GYG2: variants seen among roughly 807,000 people sequenced by gnomAD.
The protein encoded by GYG2 is glycogenin-2.
GYG2 carries 29 observed loss-of-function variants against 29.4 expected under a neutral mutation model. The ratio of observed to expected loss-of-function variants is 0.99; its 90% CI spans 0.74 to 1.35. The LOEUF (loss-of-function observed/expected upper bound fraction) is 1.35, where lower values mean the gene tolerates loss of function less well. Ranked by LOEUF, GYG2 falls within the 40% of genes most tolerant of loss-of-function variation. The pLI is 0.00. For missense variants in GYG2, 370 were observed against 385.7 expected, an observed-to-expected ratio of 0.96 and a Z score of 0.34; for synonymous variants, 167 against 172.3, an observed-to-expected ratio of 0.97 and a Z score of 0.24.
intron 2 of GYG2, among the ~76,000 whole-genome samples, chrX:2,832,481 C>G (rs925498469): frequency 5.4e-5 from 6 of 111,818 alleles, no homozygotes; most frequent in African/African-American, 1.3e-4. Context: ...CCTGAGGCCT[C>G]TCTCCTGGGC....
At chrX:2,874,915 C>G (rs761497938) in intron 8 of GYG2, among the ~76,000 whole-genome samples, 25 of 111,622 alleles carry the variant, frequency 2.2e-4, no homozygotes, top group Admixed American at 5.7e-4. Flanking sequence ...CCATCCACCC[C>G]CAAGAATTCC....
intron 10 of GYG2, among the ~76,000 whole-genome samples, chrX:2,879,368 A>G (rs2088667894): frequency 9.3e-6 from 1 of 107,965 alleles, no homozygotes; most frequent in African/African-American, 3.4e-5. Context: ...CCCGGGTTCA[A>G]GTGATTCTCC....
At chrX:2,847,867 G>C (rs1161645957) in intron 3 of GYG2, among the ~76,000 whole-genome samples, 3 of 112,247 alleles carry the variant, frequency 2.7e-5, no homozygotes, top group African/African-American at 9.7e-5. Context: ...GTTCCATGTG[G>C]TGGGGTGTCC....
chrX:2,866,327 T>A (rs911198270), intron 8 of GYG2, among the ~76,000 whole-genome samples: 9 of 111,471 alleles, frequency 8.1e-5, no homozygotes, highest in Non-Finnish European at 1.5e-4. Flanking sequence ...AAACCCTGTC[T>A]CTGCAAAAAA....
intron 2 of GYG2, among the ~76,000 whole-genome samples, chrX:2,840,070 T>C (rs903191089): frequency 8.9e-6 from 1 of 112,333 alleles, no homozygotes; most frequent in African/African-American, 3.2e-5. Flanking sequence ...TTTGAGAGTT[T>C]GCATGGAAAG....
At chrX:2,875,221 G>C (rs1341974069) in intron 8 of GYG2, among the ~76,000 whole-genome samples, 1 of 111,771 alleles carries the variant, frequency 8.9e-6, no homozygotes, top group East Asian at 2.8e-4. Flanking sequence ...TTCTAGGGCA[G>C]CTCTTCTCAA....
At chrX:2,863,075 GA>G (rs2088208972) in intron 8 of GYG2, among the ~76,000 whole-genome samples, 1 of 74,407 alleles carries the variant, frequency 1.3e-5, no homozygotes, top group South Asian at 7.4e-4. Context: ...AAAAAAAAAA[GA>G]AATCTTTTTT....
chrX:2,831,215 A>G (rs768296080), intron 2 of GYG2, among the ~76,000 whole-genome samples: 1 of 112,487 alleles, frequency 8.9e-6, no homozygotes, highest in Non-Finnish European at 1.9e-5. Flanking sequence ...CATTTTATGT[A>G]TTTATTTTTA....
intron 2 of GYG2, among the ~76,000 whole-genome samples, chrX:2,841,321 A>C (rs1349633591): frequency 1.8e-5 from 2 of 108,648 alleles, no homozygotes; most frequent in African/African-American, 6.6e-5. Context: ...GGATGGATAG[A>C]TAGATGATAG....
rs191033810 is a variant in GYG2 at position 2,843,760 on chromosome X, G to C, written c.149+406G>C. On this transcript the variant is annotated intron_variant, in intron 3 of 10. Transcript: ENST00000398806. The stretch of plus-strand genomic sequence containing the variant: ...TCTTCCCTCCTCAGCCTTCTAAGTA[G>C]CTGGGACCACAAGTATGTGCCCCCA... Among the ~76,000 whole-genome samples, 3 of 111,536 alleles carry C rather than the reference G, an allele frequency of 2.7e-5. No homozygotes were observed. In the East Asian group the frequency reaches 8.5e-4, roughly 31 times the overall value.
chrX:2,837,855 A>T (rs1317055474), intron 2 of GYG2, among the ~76,000 whole-genome samples: 1 of 108,029 alleles, frequency 9.3e-6, no homozygotes, highest in African/African-American at 3.4e-5. Context: ...ACACACACAC[A>T]CACACACACA....
At chrX:2,880,024 T>C (rs1026156279) in intron 10 of GYG2, among the ~76,000 whole-genome samples, 18 of 111,929 alleles carry the variant, frequency 1.6e-4, no homozygotes, top group Non-Finnish European at 3.2e-4. Context: ...AGATGATAGA[T>C]AGATAGATAG....
At chrX:2,875,488 C>T (rs900195342) in intron 8 of GYG2, among the ~76,000 whole-genome samples, 1 of 108,989 alleles carries the variant, frequency 9.2e-6, no homozygotes, top group African/African-American at 3.4e-5. Context: ...CCTCTCGTTG[C>T]CCAGCCCAGA....
At chrX:2,855,470 T>G (rs978862423) in intron 5 of GYG2, among the ~76,000 whole-genome samples, 1 of 111,203 alleles carries the variant, frequency 9.0e-6, no homozygotes, top group Admixed American at 9.6e-5. Context: ...GTATCTGTGT[T>G]CTAAACATAC....
At chrX:2,850,859 A>G (rs973004491) in intron 3 of GYG2, among the ~76,000 whole-genome samples, 1 of 110,350 alleles carries the variant, frequency 9.1e-6, no homozygotes. Flanking sequence ...GACTCAGCCC[A>G]CCTGCACCTA....
chrX:2,841,864 C>G (rs1477480439), intron 2 of GYG2, among the ~76,000 whole-genome samples: 1 of 112,108 alleles, frequency 8.9e-6, no homozygotes, highest in African/African-American at 3.2e-5. Context: ...TGACTGTTGT[C>G]TTTCTCCTGG....
chrX:2,881,431 T>C lies in GYG2; in HGVS notation c.*218T>C, dbSNP rs1311856675. On this transcript the variant is annotated 3_prime_UTR_variant, in exon 11 of 11. Coordinates refer to ENST00000398806, the MANE Select transcript of GYG2 (RefSeq NM_001079855.2). ...ACTTCTCCACCAACGCCTTCTGGGC[T>C]TTCTTCAGAGGTCACTTCTACCCTT... 25 of 355,747 alleles carry C rather than the reference T, an allele frequency of 7.0e-5. No individual in the cohort carries two copies. Among genetic ancestry groups the C allele is most frequent in the East Asian group, 4.8e-5 (1 of 20,647 alleles). 29.3% of individuals were successfully genotyped at this position (355,747 alleles called of 1,213,427 possible). A position where few individuals can be genotyped will look rare whatever the true frequency, so the allele number is the denominator to read the frequency against.
At chrX:2,866,816 A>G (rs1039935481) in intron 8 of GYG2, among the ~76,000 whole-genome samples, 4 of 81,090 alleles carry the variant, frequency 4.9e-5, no homozygotes, top group African/African-American at 2.0e-4. Flanking sequence ...GTCAATTTTT[A>G]AAAAGTAAAT....
chrX:2,866,709 G>GAC (rs1569071011), intron 8 of GYG2, among the ~76,000 whole-genome samples: 2 of 111,659 alleles, frequency 1.8e-5, no homozygotes, highest in East Asian at 5.6e-4. Flanking sequence ...GTACATATTT[G>GAC]ACATGAGGGA....
Sources: gnomAD v4.1 joint callset for allele counts (sites outside exome capture counted in the v4.1 genomes callset) on GRCh38, gnomAD v4.1.1 for gene constraint, MANE v1.5 for transcripts, NCBI Gene and HGNC (gene_info 2026-07-23, HGNC 2026-07-21) for gene names.